STAU1: variants seen among roughly 807,000 people sequenced by gnomAD.
STAU1 encodes the protein staufen double-stranded RNA binding protein 1, also known as double-stranded RNA-binding protein Staufen homolog 1.
STAU1 carries 13 observed loss-of-function variants against 62.9 expected under a neutral mutation model. The observed-to-expected ratio is 0.21, with a 90% CI of 0.13 to 0.33. The LOEUF is 0.33. STAU1 is among the 10% of genes least tolerant of loss of function. The probability of loss-of-function intolerance (pLI) is 1.00; values close to 1 mark genes in which losing one functional copy is unlikely to be tolerated. For synonymous variants in STAU1, 269 were observed against 265.1 expected, an observed-to-expected ratio of 1.01 and a Z score of -0.14; for missense variants, 571 against 712.1, an observed-to-expected ratio of 0.80 and a Z score of 2.25.
At chr20:49,192,657 C>T (rs1219131249), upstream of STAU1, among the ~76,000 whole-genome samples, 1 of 151,468 alleles carries the variant, frequency 6.6e-6, no homozygotes, top group South Asian at 2.1e-4. Flanking sequence ...AATAATTAGC[C>T]GGGTGTGGTG....
the STAU1 span, among the ~76,000 whole-genome samples, chr20:49,215,006 G>T: frequency 6.6e-6 from 1 of 152,176 alleles, no homozygotes; most frequent in Non-Finnish European, 1.5e-5. Context: ...ATAAATGAAG[G>T]CTGAGGAAGT....
At chr20:49,182,336 A>G (rs2093735379) in intron 1 of STAU1, among the ~76,000 whole-genome samples, 1 of 152,166 alleles carries the variant, frequency 6.6e-6, no homozygotes, top group Non-Finnish European at 1.5e-5. Flanking sequence ...CTTTAAAAAT[A>G]TTACTTTTCT....
the STAU1 span, among the ~76,000 whole-genome samples, chr20:49,208,256 C>T: frequency 1.1e-4 from 17 of 152,236 alleles, no homozygotes; most frequent in Admixed American, 5.9e-4. Flanking sequence ...GACGGGGTTT[C>T]ACCATGTTCT....
chr20:49,118,314 A>G lies in STAU1; in HGVS notation c.1189+19T>C, dbSNP rs1292487443. ...CCAGAATCACGTTCAGAGGAAGACG[A>G]TATTAAGATCACACTTACTAGTCCC... On this transcript the variant is annotated intron_variant, in intron 10 of 13. Transcript: ENST00000371856. 2.5e-6 allele frequency: 4 copies of G among 1,605,104 alleles called. No individual in the cohort carries two copies. Among genetic ancestry groups the G allele is most frequent in the East Asian group, 2.2e-5 (1 of 44,866 alleles).
chr20:49,149,697 A>T (rs745615914), intron 5 of STAU1, among the ~76,000 whole-genome samples: 1 of 152,246 alleles, frequency 6.6e-6, no homozygotes, highest in East Asian at 1.9e-4. Context: ...TTACAGCCTC[A>T]TTTTCTTTGA....
intron 1 of STAU1, among the ~76,000 whole-genome samples, chr20:49,177,818 A>C (rs7274851): frequency 6.6e-6 from 1 of 151,604 alleles, no homozygotes; most frequent in Non-Finnish European, 1.5e-5. Flanking sequence ...AGAGAGAGAG[A>C]GGGGAGAAAT....
intron 3 of STAU1, among the ~76,000 whole-genome samples, chr20:49,159,486 G>A (rs1447804526): frequency 2.0e-5 from 3 of 152,146 alleles, no homozygotes; most frequent in Non-Finnish European, 2.9e-5. Flanking sequence ...AGGGAATCCC[G>A]AAGTTAAGGT....
chr20:49,125,099 A>G (rs1386774933), intron 6 of STAU1, among the ~76,000 whole-genome samples: 1 of 148,818 alleles, frequency 6.7e-6, no homozygotes, highest in East Asian at 2.0e-4. Flanking sequence ...AAACCCACAA[A>G]AGAGTATATG....
intron 8 of STAU1, 152 bp from the exon 9 acceptor site, chr20:49,120,280 T>C: frequency 1.2e-6 from 1 of 813,042 alleles, no homozygotes; most frequent in East Asian, 2.8e-5. Flanking sequence ...GAGAGCTAAT[T>C]ATTAAATAGT....
In STAU1 at chr20:49,166,188, T is replaced by C. The variant is rs1376854266; in HGVS notation, c.14A>G (p.Gln5Arg). Residue 5 changes from glutamine to arginine, a missense_variant, in exon 3 of 14, where the codon CAA (glutamine) becomes CGA (arginine). Physicochemically the swap from Gln to Arg is conservative, Grantham distance 43. Transcript: ENST00000371856. MSQVQVQVQNPSAAL... is the reference protein window; with the variant it reads MSQVRVQVQNPSAAL... ...AGCAGATGGGTTCTGAACTTGCACT[T>C]GAACTTGAGACATGGTCACTTTCAA... is the stretch of plus-strand genomic sequence containing the variant. 1 of 1,614,212 alleles carries C rather than the reference T, an allele frequency of 6.2e-7. No individual in the cohort carries two copies. Among genetic ancestry groups the C allele is most frequent in the Non-Finnish European group, 8.5e-7 (1 of 1,180,036 alleles).
chr20:49,128,773 C>CAAAAAAAAAA (rs34891670), intron 6 of STAU1, among the ~76,000 whole-genome samples: 9 of 102,662 alleles, frequency 8.8e-5, no homozygotes, highest in East Asian at 3.0e-4. Context: ...CATCCAAATC[C>CAAAAAAAAAA]AAAAAAAAAA....
intron 8 of STAU1, among the ~76,000 whole-genome samples, chr20:49,122,096 C>T (rs773825611): frequency 1.4e-4 from 21 of 152,172 alleles, no homozygotes; most frequent in Non-Finnish European, 2.8e-4. Context: ...GGTCAACTTT[C>T]TAAGTTATAA....
the STAU1 span, among the ~76,000 whole-genome samples, chr20:49,211,079 C>T: frequency 6.6e-6 from 1 of 152,020 alleles, no homozygotes; most frequent in Non-Finnish European, 1.5e-5. Flanking sequence ...AATATGTAAC[C>T]TTTGGTGTCT....
Position 49,134,711 on chromosome 20 carries a change from T to C in STAU1, c.609+1122A>G, listed in dbSNP as rs1228824515. The C allele has an allele frequency of 2.8e-6, 3 of 1,081,148 alleles. No individual in the cohort carries two copies. In the East Asian group the frequency reaches 7.1e-5, roughly 25 times the overall value. 67.0% of individuals were successfully genotyped at this position (1,081,148 alleles called of 1,614,324 possible). A position where few individuals can be genotyped will look rare whatever the true frequency, so the allele number is the denominator to read the frequency against. On this transcript the variant is annotated intron_variant, in intron 6 of 13. Coordinates refer to ENST00000371856, the MANE Select transcript of STAU1 (RefSeq NM_017453.4). ...ATATTTAACTCTCTACATTTCTGAATGTCTGAAAAAACTCCAAAAGTGCAA... is the reference window on the plus strand; with the variant it reads ...ATATTTAACTCTCTACATTTCTGAACGTCTGAAAAAACTCCAAAAGTGCAA...
At chr20:49,155,377 A>G (rs993031221) in intron 3 of STAU1, among the ~76,000 whole-genome samples, 3 of 152,240 alleles carry the variant, frequency 2.0e-5, no homozygotes, top group Admixed American at 6.5e-5. Flanking sequence ...AATACATGCT[A>G]TTCATTTTCC....
At chr20:49,141,337 C>T (rs2093003125) in intron 5 of STAU1, among the ~76,000 whole-genome samples, 1 of 152,096 alleles carries the variant, frequency 6.6e-6, no homozygotes, top group African/African-American at 2.4e-5. Context: ...GCCTGTAGTC[C>T]CAACACTTCT....
At chr20:49,203,031 T>C in the STAU1 span, among the ~76,000 whole-genome samples, 26 of 151,916 alleles carry the variant, frequency 1.7e-4, no homozygotes, top group Non-Finnish European at 5.9e-5. Context: ...GACAGAGGGA[T>C]GCTCTGTCTC....
intron 1 of STAU1, among the ~76,000 whole-genome samples, chr20:49,175,209 T>C (rs1047928740): frequency 9.9e-5 from 15 of 151,694 alleles, no homozygotes; most frequent in African/African-American, 3.6e-4. Context: ...CGCAGGCCTG[T>C]AATCCCAGCT....
chr20:49,140,833 G>A (rs1238902708), intron 5 of STAU1, among the ~76,000 whole-genome samples: 2 of 152,158 alleles, frequency 1.3e-5, no homozygotes, highest in African/African-American at 4.8e-5. Context: ...CAACAAAAAT[G>A]TTTCACACCA....
Sources: gnomAD v4.1 joint callset for allele counts (sites outside exome capture counted in the v4.1 genomes callset) on GRCh38, gnomAD v4.1.1 for gene constraint, MANE v1.5 for transcripts, NCBI Gene and HGNC (gene_info 2026-07-23, HGNC 2026-07-21) for gene names.